ZNF587: variants seen among roughly 807,000 people sequenced by gnomAD.
ZNF587 encodes zinc finger protein 587.
ZNF587 carries 8 observed loss-of-function variants against 7.5 expected under a neutral mutation model. The ratio of observed to expected loss-of-function variants is 1.06; its 90% CI spans 0.62 to 1.92. The LOEUF (loss-of-function observed/expected upper bound fraction) is 1.92. Ranked by LOEUF, ZNF587 falls within the 40% of genes most tolerant of loss-of-function variation. The probability of loss-of-function intolerance (pLI) is 0.00; values close to 1 mark genes in which losing one functional copy is unlikely to be tolerated. For synonymous variants in ZNF587, 145 were observed against 237.8 expected (o/e 0.61, Z 3.59); for missense variants, 468 against 692.8 (o/e 0.68, Z 3.64).
chr19:57,860,007 G>T lies in ZNF587; in HGVS notation c.1595G>T (p.Cys532Phe), dbSNP rs1183984507. The change falls in exon 3 of 3, where the codon TGT becomes TTT. Residue 532 changes from cysteine to phenylalanine, a missense_variant. By Grantham distance (205) the Cys-to-Phe change is radical. This residue lies in a region of ZNF587 where 310 missense variants were observed against 325.6 expected (regional missense o/e 0.95). Transcript: ENST00000339656. Reference protein sequence around the residue: ...CSECGKSFSECSSLIKHRRIH... With the variant: ...CSECGKSFSEFSSLIKHRRIH... Reference sequence around the variant, plus strand: ...GAATGTGGAAAATCCTTTTCTGAATGTTCCAGTCTCATTAAACACAGGAGA... The same window carrying T: ...GAATGTGGAAAATCCTTTTCTGAATTTTCCAGTCTCATTAAACACAGGAGA... The T allele has an allele frequency of 6.2e-7, 1 of 1,613,712 alleles. No individual in the cohort carries two copies. The highest frequency in any genetic ancestry group is 2.2e-5 in the East Asian group (1 of 44,850).
chr19:57,849,899 T>C lies in ZNF587; in HGVS notation c.-140T>C. 1 of 1,545,664 alleles carries C rather than the reference T, an allele frequency of 6.5e-7. No homozygotes were observed. Among genetic ancestry groups the C allele is most frequent in the African/African-American group, 1.4e-5 (1 of 73,408 alleles). On this transcript the variant is annotated 5_prime_UTR_variant, in exon 1 of 3. Transcript: ENST00000339656. ...TCGGCGATGCGGGTGTTTCCCCAGT[T>C]TGTGGCCCCTGAGTGCTGGGTGGGA...
chr19:57,853,516 T>G (rs1165124205), intron 1 of ZNF587, among the ~76,000 whole-genome samples: 1 of 152,126 alleles, frequency 6.6e-6, no homozygotes, highest in Non-Finnish European at 1.5e-5. Flanking sequence ...CAGAAAGGTG[T>G]GATTACAGGC....
Position 57,856,113 on chromosome 19 carries a change from GTGACCTT to G in ZNF587, c.47_53del (p.Thr16LysfsTer5), listed in dbSNP as rs1336167410. 6.2e-7 allele frequency: 1 copy of G among 1,612,684 alleles called. No homozygotes were observed. The highest frequency in any genetic ancestry group is 8.5e-7 in the Non-Finnish European group (1 of 1,179,622). ...TCTGTCACTATCATAGCAGGGCACT[GTGACCTT>G]TGAAGATGTGGCTGTGAACTTTTCC... On this transcript the variant is annotated frameshift_variant, in exon 2 of 3. Coordinates refer to ENST00000339656, the MANE Select transcript of ZNF587 (RefSeq NM_032828.4). LOFTEE classifies it high-confidence loss of function.
chr19:57,851,999 G>A (rs894518464), intron 1 of ZNF587: 12 of 228,152 alleles, frequency 5.3e-5, no homozygotes, highest in African/African-American at 2.0e-4. Context: ...TGTTTGTAAT[G>A]TCTGCCTTTC....
chr19:57,858,074 T>G, intron 2 of ZNF587: 1 of 162,992 alleles, frequency 6.1e-6, no homozygotes, highest in Non-Finnish European at 1.3e-5. Flanking sequence ...TCATGAAGCC[T>G]CCTGGATTCT....
rs764391569 is a variant in ZNF587 at position 57,864,096 on chromosome 19, G to T, written c.*3956G>T. ...TGTTATACTTTATAACTTTATAACA[G>T]CATGTTATATGGGCTTAGATATTAT... On this transcript the variant is annotated 3_prime_UTR_variant, in exon 3 of 3. Transcript: ENST00000339656. 6.9e-6 allele frequency: 1 copy of T among 145,716 alleles called. No homozygotes were observed. The highest frequency in any genetic ancestry group is 2.5e-5 in the African/African-American group (1 of 39,618). The allele number at this position is 145,716 out of a possible 1,614,324, so 9.0% of individuals were successfully genotyped here.
rs1320823978 is a variant in ZNF587, at chr19:57,862,506, C to T, written c.*2366C>T. Reference sequence around the variant, plus strand: ...CTCCAAGCTCTTTTCTAGAGATAATCTCCAGTCCCTGTGCAGAAACTGTCA... The same window carrying T: ...CTCCAAGCTCTTTTCTAGAGATAATTTCCAGTCCCTGTGCAGAAACTGTCA... On this transcript the variant is annotated 3_prime_UTR_variant, in exon 3 of 3. Transcript: ENST00000339656. 1 of 154,416 alleles carries T rather than the reference C, an allele frequency of 6.5e-6. No individual in the cohort carries two copies. Among genetic ancestry groups the T allele is most frequent in the Non-Finnish European group, 1.5e-5 (1 of 68,222 alleles). 9.6% of individuals were successfully genotyped at this position (154,416 alleles called of 1,614,324 possible).
Position 57,861,300 on chromosome 19 carries a change from G to A in ZNF587, c.*1160G>A, listed in dbSNP as rs2071429283. The stretch of plus-strand genomic sequence containing the variant: ...GAAATTGTTTATTATTTTAATAAGT[G>A]GTTATAACTTTTGAGTCAGTGGTTT... On this transcript the variant is annotated 3_prime_UTR_variant, in exon 3 of 3. Coordinates refer to ENST00000339656, the MANE Select transcript of ZNF587 (RefSeq NM_032828.4). The A allele has an allele frequency of 6.6e-6, 1 of 152,106 alleles. No homozygotes were observed. The highest frequency in any genetic ancestry group is 2.4e-5 in the African/African-American group (1 of 41,412). The allele number at this position is 152,106 out of a possible 1,614,324, so 9.4% of individuals were successfully genotyped here.
Position 57,861,789 on chromosome 19 carries a change from T to TTTTTTTTTTTTTTTTTTTTTTC in ZNF587, c.*1649_*1650insTTTTTTTTTTTTTTTTTTTTTC, listed in dbSNP as rs1555775628. On this transcript the variant is annotated 3_prime_UTR_variant, in exon 3 of 3. Transcript: ENST00000339656. ...TTTGGTTTTCTTTTTTTTTTTTTTT[T>TTTTTTTTTTTTTTTTTTTTTTC]CCAGATGGAGTCTAGCTCTGTCTCC... 1.4e-5 allele frequency: 2 copies of TTTTTTTTTTTTTTTTTTTTTTC among 147,982 alleles called. No homozygotes were observed. Among genetic ancestry groups the TTTTTTTTTTTTTTTTTTTTTTC allele is most frequent in the African/African-American group, 5.2e-5 (2 of 38,258 alleles). 9.2% of individuals were successfully genotyped at this position (147,982 alleles called of 1,614,324 possible). A position where few individuals can be genotyped will look rare whatever the true frequency, so the allele number is the denominator to read the frequency against.
At position 57,859,897 on chromosome 19, in the gene ZNF587, T is replaced by C. The variant is rs1280305770; in HGVS notation, c.1485T>C (p.Ser495=). The C allele has an allele frequency of 3.7e-6, 6 of 1,613,968 alleles. No homozygotes were observed. In the Admixed American group the frequency reaches 6.7e-5, roughly 18 times the overall value. The change falls in exon 3 of 3, where the codon AGT becomes AGC. Residue 495 remains serine, a synonymous_variant. Transcript: ENST00000339656. ...IHTGERPYEC[S]ECGKSFLSSS... ...CTGGAGAAAGGCCGTATGAATGCAG[T>C]GAATGTGGGAAATCATTTCTTTCCA... is the stretch of plus-strand genomic sequence containing the variant.
intron 1 of ZNF587, among the ~76,000 whole-genome samples, chr19:57,852,887 C>G (rs1471089547): frequency 2.8e-5 from 3 of 107,908 alleles, no homozygotes; most frequent in African/African-American, 7.4e-5. Context: ...GAGTTTCACT[C>G]TCTTGTCCAG....
At chr19:57,850,494 G>A (rs1186844877) in intron 1 of ZNF587, 1 of 491,206 alleles carries the variant, frequency 2.0e-6, no homozygotes, top group Non-Finnish European at 3.6e-6. Flanking sequence ...GTTCTGGGTG[G>A]GATGGCAGAA....
chr19:57,852,074 A>G (rs761543422), intron 1 of ZNF587: 16 of 340,302 alleles, frequency 4.7e-5, no homozygotes, highest in Middle Eastern at 7.7e-4. Context: ...AGGGTGTTCC[A>G]TTCCCTCATT....
intron 2 of ZNF587, 143 bp downstream of exon 2, chr19:57,856,376 G>C: frequency 7.3e-7 from 1 of 1,377,698 alleles, no homozygotes; most frequent in East Asian, 2.6e-5. Flanking sequence ...TGGTTCGTAG[G>C]AGTAAGGTGT....
chr19:57,855,344 C>CA (rs541441959), intron 1 of ZNF587, among the ~76,000 whole-genome samples: 1 of 151,992 alleles, frequency 6.6e-6, no homozygotes, highest in East Asian at 1.9e-4. Flanking sequence ...GACTATGTCT[C>CA]AAAAAAATCC....
chr19:57,858,114 A>C (rs2071386841), intron 2 of ZNF587: 1 of 159,110 alleles, frequency 6.3e-6, no homozygotes, highest in Non-Finnish European at 1.3e-5. Context: ...AATTCTAAGA[A>C]GCCCCATCTT....
intron 1 of ZNF587, among the ~76,000 whole-genome samples, chr19:57,854,377 T>G (rs2071323342): frequency 6.6e-6 from 1 of 152,014 alleles, no homozygotes; most frequent in Non-Finnish European, 1.5e-5. Flanking sequence ...ACCACTGCTA[T>G]TGTAAACCAT....
intron 1 of ZNF587, chr19:57,851,952 G>A (rs576928960): frequency 5.8e-6 from 1 of 171,256 alleles, no homozygotes; most frequent in Admixed American, 6.3e-5. Context: ...GACAAGAAAG[G>A]GTTCAGGGAG....
intron 1 of ZNF587, among the ~76,000 whole-genome samples, chr19:57,854,765 G>A (rs535842253): frequency 6.6e-6 from 1 of 152,182 alleles, no homozygotes; most frequent in African/African-American, 2.4e-5. Flanking sequence ...TAGGCGCTGG[G>A]TGTGGTGGCT....
Sources: allele counts gnomAD v4.1 joint callset (sites outside exome capture counted in the v4.1 genomes callset), GRCh38; gene constraint gnomAD v4.1.1; regional missense constraint gnomAD v4.1.1; transcripts MANE v1.5; gene names NCBI Gene and HGNC (gene_info 2026-07-23, HGNC 2026-07-21).